GDI2: variants seen among roughly 807,000 people sequenced by gnomAD.
The protein encoded by GDI2 is rab GDP dissociation inhibitor beta.
GDI2 carries 22 observed loss-of-function variants against 54.2 expected under a neutral mutation model. The ratio of observed to expected loss-of-function variants is 0.41; its 90% CI spans 0.29 to 0.58. The LOEUF is 0.58. GDI2 is among the 20% of genes least tolerant of loss of function. GDI2 has a pLI of 0.35. For synonymous variants in GDI2, 177 were observed against 182.1 expected (o/e 0.97, Z 0.23); for missense variants, 422 against 546.0 (o/e 0.77, Z 2.26).
chr10:5,806,124 G>C (rs550009580), intron 1 of GDI2, among the ~76,000 whole-genome samples: 3 of 152,298 alleles, frequency 2.0e-5, no homozygotes, highest in Non-Finnish European at 2.9e-5. Context: ...AAAAACGGTT[G>C]TACCAATTTA....
At chr10:5,796,478 A>G (rs1479524526) in intron 3 of GDI2, among the ~76,000 whole-genome samples, 1 of 152,252 alleles carries the variant, frequency 6.6e-6, no homozygotes, top group African/African-American at 2.4e-5. Flanking sequence ...TAAGACTGTC[A>G]TAAGCATCAA....
intron 7 of GDI2, among the ~76,000 whole-genome samples, chr10:5,772,461 G>T (rs1052681614): frequency 1.3e-5 from 2 of 152,108 alleles, no homozygotes; most frequent in Non-Finnish European, 2.9e-5. Context: ...ACCCAATTAA[G>T]TAACAGTCTA....
chr10:5,776,627 G>C lies in GDI2; in HGVS notation c.720-2686C>G. The stretch of plus-strand genomic sequence containing the variant: ...GGCTGAAAAGGGCAGACTTCTAAAT[G>C]GTCCAATAGAAAAGGAGCTGGATGT... On this transcript the variant is annotated intron_variant, in intron 6 of 10. Transcript: ENST00000380191. This position sits in a 1 kb window ranked among gnomAD's most constrained non-coding sequence, Gnocchi z 5.3. The C allele has an allele frequency of 6.7e-7, 1 of 1,495,814 alleles. No individual in the cohort carries two copies. Among genetic ancestry groups the C allele is most frequent in the Non-Finnish European group, 9.3e-7 (1 of 1,077,552 alleles). 92.7% of individuals were successfully genotyped at this position (1,495,814 alleles called of 1,614,324 possible).
At chr10:5,781,653 A>G (rs962845417) in intron 6 of GDI2, among the ~76,000 whole-genome samples, 1 of 151,922 alleles carries the variant, frequency 6.6e-6, no homozygotes, top group Admixed American at 6.6e-5. Context: ...AGACTTCTAA[A>G]ATAGGACCCA....
chr10:5,808,794 G>T (rs964479925), intron 1 of GDI2, among the ~76,000 whole-genome samples: 1 of 148,278 alleles, frequency 6.7e-6, no homozygotes, highest in African/African-American at 2.5e-5. Context: ...ATATTAAAGT[G>T]CCTTTTCAAA....
chr10:5,778,743 T>C (rs574578872), intron 6 of GDI2, among the ~76,000 whole-genome samples: 1 of 152,352 alleles, frequency 6.6e-6, no homozygotes, highest in African/African-American at 2.4e-5. Flanking sequence ...TTGGCAGTAT[T>C]TGATTGTAAG....
At chr10:5,796,698 A>G (rs1282624085) in intron 3 of GDI2, 65 bp downstream of exon 3, 1 of 839,048 alleles carries the variant, frequency 1.2e-6, no homozygotes, top group South Asian at 1.4e-5. Context: ...CTCTGTCAAA[A>G]GTTAGTTTTG....
intron 1 of GDI2, among the ~76,000 whole-genome samples, chr10:5,809,320 A>G (rs1841442716): frequency 6.6e-6 from 1 of 152,002 alleles, no homozygotes; most frequent in Non-Finnish European, 1.5e-5. Flanking sequence ...TCTCCTGCTC[A>G]AAGTCCTCTC....
At position 5,765,580 on chromosome 10, in the gene GDI2, C is replaced by T. The variant is rs151282944; in HGVS notation, c.*426G>A. Reference sequence around the variant, plus strand: ...AAATATAAAGTCATAGGGAAAACTTCCGGATGCTGTCCCAAACCGTGGAAT... The same window carrying T: ...AAATATAAAGTCATAGGGAAAACTTTCGGATGCTGTCCCAAACCGTGGAAT... On this transcript the variant is annotated 3_prime_UTR_variant, in exon 11 of 11. Transcript: ENST00000380191. The T allele has an allele frequency of 6.5e-6, 1 of 154,470 alleles. No individual in the cohort carries two copies. Among genetic ancestry groups the T allele is most frequent in the African/African-American group, 2.4e-5 (1 of 41,624 alleles). The allele number at this position is 154,470 out of a possible 1,614,324, so 9.6% of individuals were successfully genotyped here.
chr10:5,773,938 T>G lies in GDI2; in HGVS notation c.723A>C (p.Leu241=). 1 of 1,425,662 alleles carries G rather than the reference T, an allele frequency of 7.0e-7. No homozygotes were observed. The highest frequency in any genetic ancestry group is 9.7e-7 in the Non-Finnish European group (1 of 1,026,332). 88.3% of individuals were successfully genotyped at this position (1,425,662 alleles called of 1,614,324 possible). The change falls in exon 7 of 11, where the codon CTA becomes CTC. Residue 241 remains leucine, a synonymous_variant. Transcript: ENST00000380191. ...TATAGGTACCTCCATAAATAGCACTTAGCCTGGAAAATTTTTAAAATCCCA... is the reference window on the plus strand; with the variant it reads ...TATAGGTACCTCCATAAATAGCACTGAGCCTGGAAAATTTTTAAAATCCCA... ...LGELPQGFAR[L]SAIYGGTYML...
rs1244782056 is a variant in GDI2, at chr10:5,766,528, G to C, written c.1102C>G (p.Pro368Ala). Residue 368 changes from proline to alanine, a missense_variant, in exon 9 of 11, where the codon CCA becomes GCA. Pro to Ala is a conservative substitution (Grantham distance 27). Transcript: ENST00000380191. This position sits in a 1 kb window ranked among gnomAD's most constrained non-coding sequence, Gnocchi z 5.8. ...ETKEPEKEIR[P>A]ALELLEPIEQ... ...ATTGGTTCCAAGAGCTCCAAAGCTG[G>C]TCTGATTTCCTTCTCAGGCTCCTTG... 1.2e-6 allele frequency: 2 copies of C among 1,613,878 alleles called. No homozygotes were observed. The highest frequency in any genetic ancestry group is 1.1e-5 in the South Asian group (1 of 91,084).
chr10:5,792,335 T>C (rs1305467716), intron 4 of GDI2, among the ~76,000 whole-genome samples: 2 of 152,320 alleles, frequency 1.3e-5, no homozygotes, highest in South Asian at 2.1e-4. Flanking sequence ...AAGAACTATG[T>C]AAAGTTAGAT....
intron 4 of GDI2, 55 bp downstream of exon 4, chr10:5,794,830 A>G (rs1841111717): frequency 8.3e-7 from 1 of 1,202,248 alleles, no homozygotes. Flanking sequence ...CCAGTATAAA[A>G]TCTCATTATT....
intron 1 of GDI2, among the ~76,000 whole-genome samples, chr10:5,807,492 G>A (rs953275167): frequency 3.3e-5 from 5 of 152,188 alleles, no homozygotes; most frequent in African/African-American, 9.7e-5. Flanking sequence ...AGTACCCACT[G>A]TAACTTCAAA....
intron 4 of GDI2, among the ~76,000 whole-genome samples, chr10:5,791,048 T>G (rs1320386355): frequency 6.6e-6 from 1 of 152,132 alleles, no homozygotes; most frequent in African/African-American, 2.4e-5. Context: ...TATGCCTCTT[T>G]TGGGAGGCTG....
chr10:5,794,644 C>T (rs1222282624), intron 4 of GDI2, among the ~76,000 whole-genome samples: 6 of 152,140 alleles, frequency 3.9e-5, no homozygotes, highest in Non-Finnish European at 8.8e-5. Flanking sequence ...AAGCTCAGAT[C>T]CACCAGCCAC....
intron 6 of GDI2, among the ~76,000 whole-genome samples, chr10:5,780,086 G>A (rs1405159053): frequency 6.6e-6 from 1 of 151,896 alleles, no homozygotes; most frequent in African/African-American, 2.4e-5. Context: ...GTGCATGCCT[G>A]TAGTCCCTAC....
intron 6 of GDI2, among the ~76,000 whole-genome samples, chr10:5,780,293 C>CAA (rs75631052): frequency 4.5e-5 from 6 of 131,934 alleles, no homozygotes; most frequent in Non-Finnish European, 8.1e-5. Context: ...AAACCATCTA[C>CAA]AAAAAAAAAA....
chr10:5,809,598 T>C (rs1049362831), intron 1 of GDI2, among the ~76,000 whole-genome samples: 4 of 152,362 alleles, frequency 2.6e-5, no homozygotes, highest in Admixed American at 2.6e-4. Flanking sequence ...GGGGACTTAA[T>C]GCTTTCTCAT....
Sources: gnomAD v4.1 joint callset for allele counts (sites outside exome capture counted in the v4.1 genomes callset) on GRCh38, gnomAD v4.1.1 for gene constraint, Gnocchi (gnomAD v3.1) non-coding constraint, MANE v1.5 for transcripts, NCBI Gene and HGNC (gene_info 2026-07-23, HGNC 2026-07-21) for gene names.